The following ALK variants were observed in gnomAD, a reference collection of about 807,000 sequenced individuals.
ALK encodes the protein ALK receptor tyrosine kinase.
ALK carries 74 observed loss-of-function variants against 163.1 expected under a neutral mutation model. The observed-to-expected ratio is 0.45, with a 90% confidence interval of 0.38 to 0.55. The LOEUF (loss-of-function observed/expected upper bound fraction) is 0.55. ALK is among the 20% of genes least tolerant of loss of function. The probability of loss-of-function intolerance (pLI) is 0.00; values close to 1 mark genes in which losing one functional copy is unlikely to be tolerated. For missense variants in ALK, 2,063 were observed against 2,105.3 expected, an observed-to-expected ratio of 0.98 and a Z score of 0.39; for synonymous variants, 960 against 843.2, an observed-to-expected ratio of 1.14 and a Z score of -2.40.
intron 3 of ALK, among the ~76,000 whole-genome samples, chr2:29,665,435 T>G (rs781565171): frequency 6.6e-6 from 1 of 152,182 alleles, no homozygotes; most frequent in East Asian, 1.9e-4. Flanking sequence ...AAGTTTAATG[T>G]GTCTGTCACC....
intron 3 of ALK, among the ~76,000 whole-genome samples, chr2:29,548,040 G>A (rs1300179892): frequency 2.6e-5 from 4 of 152,172 alleles, no homozygotes; most frequent in Non-Finnish European, 2.9e-5. Context: ...CCTCTGGTGC[G>A]GGGAACTGTG....
chr2:29,284,349 T>C (rs1186483262), intron 9 of ALK, among the ~76,000 whole-genome samples: 2 of 152,142 alleles, frequency 1.3e-5, no homozygotes, highest in Non-Finnish European at 2.9e-5. Flanking sequence ...TAGAACTGGA[T>C]TCTTTGCTTC....
At chr2:29,652,529 G>A (rs1256434005) in intron 3 of ALK, among the ~76,000 whole-genome samples, 1 of 152,118 alleles carries the variant, frequency 6.6e-6, no homozygotes, top group Non-Finnish European at 1.5e-5. Flanking sequence ...ATTTTTGTAT[G>A]CTAATGATTG....
intron 3 of ALK, among the ~76,000 whole-genome samples, chr2:29,643,294 G>C (rs1054718788): frequency 2.0e-5 from 3 of 152,260 alleles, no homozygotes; most frequent in East Asian, 1.9e-4. Flanking sequence ...ATCTGCAAAG[G>C]CAAACTGGTT....
intron 3 of ALK, among the ~76,000 whole-genome samples, chr2:29,686,737 C>T (rs1349012822): frequency 1.3e-5 from 2 of 152,162 alleles, no homozygotes; most frequent in African/African-American, 2.4e-5. Flanking sequence ...CATCTATAAT[C>T]CATCCCAACA....
At chr2:29,570,613 T>A (rs751684743) in intron 3 of ALK, among the ~76,000 whole-genome samples, 3 of 152,206 alleles carry the variant, frequency 2.0e-5, no homozygotes, top group Admixed American at 6.5e-5. Flanking sequence ...TGGGAGAACA[T>A]TTCTCTCTCT....
intron 3 of ALK, among the ~76,000 whole-genome samples, chr2:29,585,845 TG>T (rs1436796100): frequency 6.6e-6 from 1 of 152,138 alleles, no homozygotes; most frequent in African/African-American, 2.4e-5. Context: ...AGAAATTTTT[TG>T]TTCAAGTTTT....
At chr2:29,861,369 T>A (rs889390512) in intron 1 of ALK, among the ~76,000 whole-genome samples, 2 of 151,816 alleles carry the variant, frequency 1.3e-5, no homozygotes, top group African/African-American at 4.8e-5. Flanking sequence ...AGTTGGTATT[T>A]TAAAAAGGTA....
intron 13 of ALK, 58 bp downstream of exon 13, chr2:29,239,622 G>A: frequency 1.2e-6 from 2 of 1,606,084 alleles, no homozygotes; most frequent in Non-Finnish European, 1.7e-6. Context: ...GTGCCTCCAA[G>A]AGGCCTTCCC....
intron 4 of ALK, among the ~76,000 whole-genome samples, chr2:29,422,877 A>C (rs961434165): frequency 1.3e-5 from 2 of 151,984 alleles, no homozygotes; most frequent in African/African-American, 4.8e-5. Context: ...TGAGTCTATG[A>C]AAACTTCAAG....
intron 1 of ALK, among the ~76,000 whole-genome samples, chr2:29,903,247 A>G (rs1212520478): frequency 6.6e-6 from 1 of 152,234 alleles, no homozygotes; most frequent in Non-Finnish European, 1.5e-5. Context: ...AAAGTCAGTG[A>G]ACCATTAAGA....
chr2:29,473,771 G>A (rs779598660), intron 4 of ALK, among the ~76,000 whole-genome samples: 4 of 152,056 alleles, frequency 2.6e-5, no homozygotes, highest in Non-Finnish European at 4.4e-5. Flanking sequence ...CAGGAGAATC[G>A]CTTGAATCTG....
At chr2:29,647,780 T>TTC (rs1676925591) in intron 3 of ALK, among the ~76,000 whole-genome samples, 2 of 146,850 alleles carry the variant, frequency 1.4e-5, no homozygotes, top group African/African-American at 5.1e-5. Flanking sequence ...TTTTTCTTTT[T>TTC]TTTTTTTTTT....
chr2:29,202,745 T>A (rs1669214282), intron 26 of ALK, among the ~76,000 whole-genome samples: 1 of 152,252 alleles, frequency 6.6e-6, no homozygotes, highest in Non-Finnish European at 1.5e-5. Flanking sequence ...CGGAATAGTT[T>A]TCCATGATGT....
At chr2:29,343,405 G>A (rs6547919) in intron 5 of ALK, among the ~76,000 whole-genome samples, 71,018 of 150,080 alleles carry the variant, frequency 0.47, 17,798 homozygotes, top group East Asian at 0.94. Context: ...TTTAGAGATG[G>A]GGTCTCCCTA....
chr2:29,834,969 T>C (rs1439344242), intron 1 of ALK, among the ~76,000 whole-genome samples: 1 of 152,228 alleles, frequency 6.6e-6, no homozygotes, highest in African/African-American at 2.4e-5. Context: ...GAGCTCATGG[T>C]AAAGAAAACT....
intron 8 of ALK, among the ~76,000 whole-genome samples, chr2:29,300,917 G>A (rs1666350301): frequency 6.6e-6 from 1 of 152,170 alleles, no homozygotes; most frequent in Non-Finnish European, 1.5e-5. Flanking sequence ...ACCAAGTTTG[G>A]AGGCGGCAGG....
In ALK at chr2:29,440,217, G is replaced by A. The variant is rs552227402; in HGVS notation, c.1155-56358C>T. Reference sequence around the variant, plus strand: ...CCATTGCACTCCAGCCTGGGTGACAGATCAAGACTCCATCTCAAAAACAAA... The same window carrying A: ...CCATTGCACTCCAGCCTGGGTGACAAATCAAGACTCCATCTCAAAAACAAA... On this transcript the variant is annotated intron_variant, in intron 4 of 28. Coordinates refer to ENST00000389048, the MANE Select transcript of ALK (RefSeq NM_004304.5). 5.3e-5 allele frequency among the ~76,000 whole-genome samples: 8 copies of A among 151,992 alleles called. No homozygotes were observed. The East Asian group carries it at 1.4e-3, about 26-fold the overall frequency.
At chr2:29,209,737 G>T in intron 25 of ALK, 49 bp downstream of exon 25, 1 of 1,381,724 alleles carries the variant, frequency 7.2e-7, no homozygotes, top group Non-Finnish European at 1.0e-6. Context: ...TTCTTGAGGG[G>T]CTGAGGTGGA....
Sources: allele counts gnomAD v4.1 joint callset (sites outside exome capture counted in the v4.1 genomes callset), GRCh38; gene constraint gnomAD v4.1.1; transcripts MANE v1.5; gene names NCBI Gene and HGNC (gene_info 2026-07-23, HGNC 2026-07-21).